Variants in KLRG1 observed in about 807,000 individuals in gnomAD.
The protein encoded by KLRG1 is killer cell lectin like receptor G1.
Under a neutral mutation model 21.8 loss-of-function variants are expected in KLRG1, and 16 were observed. The ratio of observed to expected loss-of-function variants is 0.73; its 90% CI spans 0.50 to 1.11. KLRG1 has a LOEUF of 1.11. Among genes scored for constraint, KLRG1 ranks in the 50% most tolerant of loss-of-function variants. The pLI, the probability that KLRG1 is intolerant of heterozygous loss-of-function variation, is 0.00. For synonymous variants in KLRG1, 69 were observed against 75.9 expected (o/e 0.91, Z 0.47); for missense variants, 173 against 218.3 (o/e 0.79, Z 1.31).
At chr12:9,135,507 G>A in the KLRG1 span, 3 of 359,814 alleles carry the variant, frequency 8.3e-6, no homozygotes, top group Middle Eastern at 8.9e-4. Context: ...ACATACAAAT[G>A]GTAGACAGCT....
the KLRG1 span, among the ~76,000 whole-genome samples, chr12:9,118,795 T>G: frequency 8.5e-5 from 13 of 152,284 alleles, no homozygotes; most frequent in East Asian, 1.2e-3. Context: ...GTTAAAGCAG[T>G]CTGAATGCCA....
chr12:9,019,719 T>G, the KLRG1 span, among the ~76,000 whole-genome samples: 1 of 152,118 alleles, frequency 6.6e-6, no homozygotes, highest in Non-Finnish European at 1.5e-5. Flanking sequence ...TGTTTAAATA[T>G]CAAACTGAAG....
At chr12:9,079,584 G>A in the KLRG1 span, 1 of 1,525,984 alleles carries the variant, frequency 6.6e-7, no homozygotes, top group Non-Finnish European at 9.0e-7. Flanking sequence ...GAAACCTACT[G>A]GGAAATCCAG....
At chr12:9,025,956 G>A in the KLRG1 span, among the ~76,000 whole-genome samples, 47,740 of 152,072 alleles carry the variant, frequency 0.31, 7,559 homozygotes, top group Admixed American at 0.37. Context: ...AATCACAAAG[G>A]GGAAAGAGAG....
chr12:9,106,508 A>C, the KLRG1 span: 1 of 1,596,958 alleles, frequency 6.3e-7, no homozygotes, highest in Non-Finnish European at 8.5e-7. Flanking sequence ...TTCTTCTTGG[A>C]TCTGGGCCTC....
chr12:9,074,158 G>C, the KLRG1 span, among the ~76,000 whole-genome samples: 1 of 151,800 alleles, frequency 6.6e-6, no homozygotes, highest in African/African-American at 2.4e-5. Flanking sequence ...GCCTATTAAA[G>C]GGGACCTAAG....
chr12:8,985,643 C>T (rs55939602), upstream of KLRG1, among the ~76,000 whole-genome samples: 48,043 of 151,952 alleles, frequency 0.32, 8,073 homozygotes, highest in Admixed American at 0.39. Flanking sequence ...TCAGGGAAAC[C>T]CTTATGTTTA....
At chr12:9,126,555 A>G in the KLRG1 span, among the ~76,000 whole-genome samples, 36 of 152,312 alleles carry the variant, frequency 2.4e-4, no homozygotes, top group Middle Eastern at 0.01. Context: ...CGACATAGCA[A>G]TTAAGAATAC....
chr12:9,138,417 TA>T, the KLRG1 span, among the ~76,000 whole-genome samples: 4 of 151,992 alleles, frequency 2.6e-5, no homozygotes, highest in Non-Finnish European at 5.9e-5. Flanking sequence ...CTAATATTTT[TA>T]AAATATTTTT....
At chr12:9,150,426 G>C in the KLRG1 span, among the ~76,000 whole-genome samples, 1 of 152,152 alleles carries the variant, frequency 6.6e-6, no homozygotes. Context: ...GGGATTACAG[G>C]CACACACCAC....
the KLRG1 span, chr12:9,163,589 A>G: frequency 6.8e-7 from 1 of 1,481,038 alleles, no homozygotes; most frequent in Non-Finnish European, 9.2e-7. Context: ...GCATGATATT[A>G]ATGGTTCTTT....
the KLRG1 span, chr12:9,101,066 A>G: frequency 6.0e-6 from 8 of 1,328,264 alleles, no homozygotes; most frequent in Admixed American, 2.3e-5. Flanking sequence ...AAAAAGGGAA[A>G]GTATTCTGAT....
At chr12:9,030,973 T>A in the KLRG1 span, among the ~76,000 whole-genome samples, 1 of 152,226 alleles carries the variant, frequency 6.6e-6, no homozygotes, top group Non-Finnish European at 1.5e-5. Context: ...AGATAGCATC[T>A]CCCGGCAGGG....
the KLRG1 span, among the ~76,000 whole-genome samples, chr12:9,104,882 T>C: frequency 6.6e-6 from 1 of 152,312 alleles, no homozygotes; most frequent in East Asian, 1.9e-4. Flanking sequence ...GATTAGTGTC[T>C]GAAGTCTCAT....
At chr12:9,075,688 C>G in the KLRG1 span, among the ~76,000 whole-genome samples, 38 of 152,034 alleles carry the variant, frequency 2.5e-4, no homozygotes, top group Non-Finnish European at 5.0e-4. Context: ...TTGTTTCTCT[C>G]AAGATGAAAC....
the KLRG1 span, chr12:9,104,499 C>A: frequency 1.5e-6 from 2 of 1,306,012 alleles, no homozygotes; most frequent in Non-Finnish European, 2.1e-6. Flanking sequence ...CTATGTTGAA[C>A]ATGGTTCCAG....
intron 1 of KLRG1, among the ~76,000 whole-genome samples, chr12:8,957,005 C>T (rs1212171108): frequency 2.0e-5 from 3 of 152,210 alleles, no homozygotes; most frequent in African/African-American, 7.2e-5. Flanking sequence ...TGGGTGGAGC[C>T]AGCCCAGTGG....
chr12:9,188,509 G>A, the KLRG1 span, among the ~76,000 whole-genome samples: 4 of 152,292 alleles, frequency 2.6e-5, no homozygotes, highest in South Asian at 8.3e-4. Context: ...CACAGTATTG[G>A]AAGTCCTCAC....
chr12:9,211,287 C>A, the KLRG1 span, among the ~76,000 whole-genome samples: 2 of 151,990 alleles, frequency 1.3e-5, no homozygotes, highest in Non-Finnish European at 2.9e-5. Flanking sequence ...TTTCTTCACT[C>A]TTCTTTAATT....
Sources: allele counts gnomAD v4.1 joint callset (sites outside exome capture counted in the v4.1 genomes callset), GRCh38; gene constraint gnomAD v4.1.1; transcripts MANE v1.5; gene names NCBI Gene and HGNC (gene_info 2026-07-23, HGNC 2026-07-21).